NRCAM: variants seen among roughly 807,000 people sequenced by gnomAD.
The protein encoded by NRCAM is NgCAM-related cell adhesion molecule.
A neutral mutation model predicts 156.5 loss-of-function variants in NRCAM; 83 were observed. The ratio of observed to expected loss-of-function variants is 0.53; its 90% CI spans 0.44 to 0.64. The LOEUF is 0.64. NRCAM is among the 30% of genes least tolerant of loss of function. NRCAM has a pLI of 0.00. For missense variants in NRCAM, 1,417 were observed against 1,597.3 expected, an observed-to-expected ratio of 0.89 and a Z score of 1.92; for synonymous variants, 538 against 563.9, an observed-to-expected ratio of 0.95 and a Z score of 0.65.
chr7:108,305,648 T>C (rs954479438), intron 3 of NRCAM, among the ~76,000 whole-genome samples: 1 of 152,200 alleles, frequency 6.6e-6, no homozygotes, highest in African/African-American at 2.4e-5. Context: ...GTCAGCAGCT[T>C]TATTCAGTAC....
chr7:108,352,634 T>C (rs538327338), intron 2 of NRCAM, among the ~76,000 whole-genome samples: 3 of 152,342 alleles, frequency 2.0e-5, no homozygotes, highest in South Asian at 2.1e-4. Context: ...TTTTGTAAAA[T>C]TGTTACGACA....
chr7:108,402,550 G>A (rs1029051586), intron 1 of NRCAM, among the ~76,000 whole-genome samples: 6 of 152,190 alleles, frequency 3.9e-5, no homozygotes, highest in African/African-American at 1.4e-4. Flanking sequence ...GAAGGAGCCT[G>A]GAAGGTCACT....
intron 3 of NRCAM, among the ~76,000 whole-genome samples, chr7:108,273,233 C>T (rs566472645): frequency 1.6e-4 from 25 of 152,242 alleles, no homozygotes; most frequent in African/African-American, 6.0e-4. Flanking sequence ...TTTATAGTAG[C>T]ATGATTTATA....
At chr7:108,160,759 T>C (rs1346067112) in intron 30 of NRCAM, among the ~76,000 whole-genome samples, 1 of 152,230 alleles carries the variant, frequency 6.6e-6, no homozygotes, top group African/African-American at 2.4e-5. Context: ...GTGTTCACAG[T>C]TATTTTCACT....
At chr7:108,185,721 A>G (rs2066291250) in intron 20 of NRCAM, among the ~76,000 whole-genome samples, 1 of 130,830 alleles carries the variant, frequency 7.6e-6, no homozygotes, top group East Asian at 2.5e-4. Context: ...GTCTCAAAAA[A>G]GAGAGAGAGA....
chr7:108,182,438 A>G (rs1313148104), intron 23 of NRCAM, among the ~76,000 whole-genome samples: 1 of 152,206 alleles, frequency 6.6e-6, no homozygotes, highest in African/African-American at 2.4e-5. Flanking sequence ...GTGGGACTTG[A>G]GTATTTGCAG....
At chr7:108,156,759 A>G (rs557938197) in intron 32 of NRCAM, 90 of 152,302 alleles carry the variant, frequency 5.9e-4, no homozygotes, top group African/African-American at 2.1e-3. Context: ...GAGAATAAGA[A>G]TCAATAAATA....
At chr7:108,192,564 G>C (rs2072633681) in intron 17 of NRCAM, among the ~76,000 whole-genome samples, 1 of 152,112 alleles carries the variant, frequency 6.6e-6, no homozygotes, top group East Asian at 1.9e-4. Context: ...GCTCTAGAGG[G>C]AGAGGAAGGA....
intron 2 of NRCAM, among the ~76,000 whole-genome samples, chr7:108,354,336 A>G (rs888144922): frequency 1.3e-5 from 2 of 152,270 alleles, no homozygotes; most frequent in Non-Finnish European, 2.9e-5. Flanking sequence ...GACATTTATC[A>G]AAAACTTACA....
intron 2 of NRCAM, among the ~76,000 whole-genome samples, chr7:108,315,002 C>T (rs933983744): frequency 2.7e-5 from 4 of 150,152 alleles, no homozygotes; most frequent in South Asian, 4.3e-4. Context: ...CCTTTGATTG[C>T]CCCCACCCCC....
chr7:108,410,670 G>T (rs1794290887), intron 1 of NRCAM, among the ~76,000 whole-genome samples: 1 of 152,172 alleles, frequency 6.6e-6, no homozygotes, highest in Non-Finnish European at 1.5e-5. Flanking sequence ...AAGGAGAACT[G>T]TCCAAGGACA....
intron 27 of NRCAM, 24 bp from the exon 28 acceptor site, chr7:108,175,381 A>G: frequency 6.4e-7 from 1 of 1,554,162 alleles, no homozygotes; most frequent in Non-Finnish European, 8.7e-7. Flanking sequence ...AAACAGAAAT[A>G]GGACACTATA....
intron 27 of NRCAM, among the ~76,000 whole-genome samples, chr7:108,175,877 T>C (rs1423464174): frequency 2.2e-4 from 34 of 152,178 alleles, no homozygotes; most frequent in Admixed American, 2.2e-3. Context: ...TTTGCTTTCT[T>C]TGTACATACC....
intron 15 of NRCAM, among the ~76,000 whole-genome samples, chr7:108,195,398 C>T (rs1037636775): frequency 2.0e-5 from 3 of 152,070 alleles, no homozygotes; most frequent in Non-Finnish European, 4.4e-5. Flanking sequence ...CTGAGGCGGG[C>T]GGATAATCTG....
chr7:108,181,963 G>C, intron 23 of NRCAM, 26 bp from the exon 24 acceptor site: 4 of 1,520,540 alleles, frequency 2.6e-6, no homozygotes, highest in Non-Finnish European at 2.7e-6. Flanking sequence ...GGAAGTGGTA[G>C]AAGTATCAAT....
intron 5 of NRCAM, 82 bp downstream of exon 5, chr7:108,237,670 A>G: frequency 9.5e-7 from 1 of 1,051,992 alleles, no homozygotes; most frequent in Non-Finnish European, 1.3e-6. Context: ...GAAATTGTGC[A>G]TTTAAATCAC....
chr7:108,321,345 C>G (rs1227289122), intron 2 of NRCAM, among the ~76,000 whole-genome samples: 1 of 152,146 alleles, frequency 6.6e-6, no homozygotes, highest in Non-Finnish European at 1.5e-5. Context: ...GTAGGCTGTA[C>G]AGGAAGCTTA....
intron 2 of NRCAM, among the ~76,000 whole-genome samples, chr7:108,356,767 C>G (rs1263271481): frequency 6.6e-6 from 1 of 152,146 alleles, no homozygotes. Context: ...TTAGCACAGC[C>G]TGGAGCTCCT....
chr7:108,164,682 T>C (rs983306592), intron 30 of NRCAM, among the ~76,000 whole-genome samples: 3 of 152,170 alleles, frequency 2.0e-5, no homozygotes, highest in Non-Finnish European at 4.4e-5. Flanking sequence ...GGAGGCAGCG[T>C]AATGGTAAAC....
Sources: gnomAD v4.1 joint callset for allele counts (sites outside exome capture counted in the v4.1 genomes callset) on GRCh38, gnomAD v4.1.1 for gene constraint, MANE v1.5 for transcripts, NCBI Gene and HGNC (gene_info 2026-07-23, HGNC 2026-07-21) for gene names.